Variants in SRD5A2 observed in about 807,000 individuals in gnomAD.
SRD5A2 encodes steroid 5 alpha-reductase 2.
SRD5A2 carries 30 observed loss-of-function variants against 27.4 expected under a neutral mutation model. The observed-to-expected ratio is 1.10, with a 90% CI of 0.82 to 1.49. The LOEUF (loss-of-function observed/expected upper bound fraction) is 1.49. Ranked by LOEUF, SRD5A2 falls within the 40% of genes most tolerant of loss-of-function variation. The pLI is 0.00. For synonymous variants in SRD5A2, 141 were observed against 133.6 expected (o/e 1.06, Z -0.38); for missense variants, 348 against 323.4 (o/e 1.08, Z -0.58).
At chr2:31,602,348 C>G in the SRD5A2 span, among the ~76,000 whole-genome samples, 1 of 151,914 alleles carries the variant, frequency 6.6e-6, no homozygotes, top group African/African-American at 2.4e-5. Context: ...AGAAATACTG[C>G]TAACAAAGGA....
upstream of SRD5A2, among the ~76,000 whole-genome samples, chr2:31,585,712 C>A (rs910497218): frequency 1.3e-5 from 2 of 152,170 alleles, no homozygotes; most frequent in Admixed American, 1.3e-4. Context: ...GTTTCAGGTA[C>A]TGGCTCAGCC....
chr2:31,532,273 T>C (rs371152671), intron 2 of SRD5A2, among the ~76,000 whole-genome samples: 28 of 152,106 alleles, frequency 1.8e-4, no homozygotes, highest in African/African-American at 6.8e-4. Context: ...TCTGAACGCA[T>C]TCCTGACTGA....
chr2:31,529,552 G>A, intron 3 of SRD5A2, 95 bp from the exon 4 acceptor site: 2 of 1,495,908 alleles, frequency 1.3e-6, no homozygotes, highest in Non-Finnish European at 1.8e-6. Context: ...AAGGCAGCAA[G>A]AACAAATGTG....
At chr2:31,628,492 T>C in the SRD5A2 span, among the ~76,000 whole-genome samples, 8 of 152,180 alleles carry the variant, frequency 5.3e-5, no homozygotes, top group Non-Finnish European at 8.8e-5. Flanking sequence ...TATTGATATG[T>C]GTGGATTCGA....
the SRD5A2 span, among the ~76,000 whole-genome samples, chr2:31,623,568 C>T: frequency 0.68 from 103,996 of 151,864 alleles, 35,834 homozygotes; most frequent in African/African-American, 0.71. Flanking sequence ...ATTTCTCATC[C>T]TTGTGGGTTT....
chr2:31,586,617 A>G, the SRD5A2 span, among the ~76,000 whole-genome samples: 1 of 152,234 alleles, frequency 6.6e-6, no homozygotes, highest in African/African-American at 2.4e-5. Context: ...AATCCAGAGA[A>G]TTATCCTGGA....
the SRD5A2 span, among the ~76,000 whole-genome samples, chr2:31,643,647 A>T: frequency 1.3e-5 from 2 of 152,198 alleles, no homozygotes; most frequent in Admixed American, 6.5e-5. Context: ...GAAAAAATAT[A>T]TATAATGAAC....
At chr2:31,639,740 T>C in the SRD5A2 span, among the ~76,000 whole-genome samples, 1 of 152,150 alleles carries the variant, frequency 6.6e-6, no homozygotes, top group Non-Finnish European at 1.5e-5. Flanking sequence ...CTTTAGGTGT[T>C]ATTTGCATCT....
chr2:31,554,050 C>T (rs931466574), intron 1 of SRD5A2, among the ~76,000 whole-genome samples: 3 of 151,992 alleles, frequency 2.0e-5, no homozygotes, highest in Non-Finnish European at 4.4e-5. Flanking sequence ...AATTCCTATC[C>T]GTAGGAATTC....
chr2:31,644,982 A>C, the SRD5A2 span, among the ~76,000 whole-genome samples: 1 of 152,236 alleles, frequency 6.6e-6, no homozygotes. Context: ...TAATGTGTTT[A>C]GTTGTTAACA....
At chr2:31,634,969 T>C in the SRD5A2 span, among the ~76,000 whole-genome samples, 2 of 152,186 alleles carry the variant, frequency 1.3e-5, no homozygotes, top group East Asian at 1.9e-4. Context: ...ATTTTGGATA[T>C]TGTGAATAGT....
At chr2:31,623,155 T>A in the SRD5A2 span, among the ~76,000 whole-genome samples, 1 of 152,068 alleles carries the variant, frequency 6.6e-6, no homozygotes, top group Non-Finnish European at 1.5e-5. Flanking sequence ...TGTACACTCA[T>A]TAGTCATTCC....
chr2:31,653,119 C>A, the SRD5A2 span, among the ~76,000 whole-genome samples: 2 of 152,154 alleles, frequency 1.3e-5, no homozygotes, highest in African/African-American at 4.8e-5. Context: ...CTCACCCCCA[C>A]CCCCAGTCCC....
the SRD5A2 span, among the ~76,000 whole-genome samples, chr2:31,634,412 A>G: frequency 2.0e-5 from 3 of 152,020 alleles, no homozygotes; most frequent in African/African-American, 7.2e-5. Context: ...GGAATCCTAG[A>G]GAGGGAAAAC....
Position 31,580,644 on chromosome 2 carries a change from A to G in SRD5A2, c.257T>C (p.Leu86Pro), listed in dbSNP as rs1374773126. The G allele has an allele frequency of 6.3e-7, 1 of 1,584,362 alleles. No individual in the cohort carries two copies. Among genetic ancestry groups the G allele is most frequent in the Non-Finnish European group, 8.5e-7 (1 of 1,171,898 alleles). The change falls in exon 1 of 5, where the codon CTC becomes CCC. Residue 86 changes from leucine (L) to proline (P), a missense_variant. Coordinates refer to ENST00000622030, the MANE Select transcript of SRD5A2 (RefSeq NM_000348.4). ...CCTGTGGAAGTAATGTAGGCAGAAG[A>G]GGCCCAGAAGTACCGTCCCAGGTGG... ...FGPPGTVLLG[L>P]FCLHYFHRTF...
intron 1 of SRD5A2, among the ~76,000 whole-genome samples, chr2:31,563,709 TGTGTGAG>T (rs981058128): frequency 3.9e-5 from 6 of 152,124 alleles, no homozygotes; most frequent in African/African-American, 1.2e-4. Context: ...TTCATGCATT[TGTGTGAG>T]GAAAGAATCA....
At chr2:31,648,750 G>C in the SRD5A2 span, among the ~76,000 whole-genome samples, 2 of 152,154 alleles carry the variant, frequency 1.3e-5, no homozygotes, top group Non-Finnish European at 2.9e-5. Flanking sequence ...ACATCATTAC[G>C]AACACGGCTG....
chr2:31,583,643 AAAAAAAACC>A (rs1667124764), upstream of SRD5A2, among the ~76,000 whole-genome samples: 1 of 29,170 alleles, frequency 3.4e-5, no homozygotes, highest in African/African-American at 1.0e-4. Flanking sequence ...AAAAAAGCAA[AAAAAAAACC>A]AAAAAAAAAG....
At chr2:31,541,097 C>T (rs1437289869) in intron 1 of SRD5A2, among the ~76,000 whole-genome samples, 1 of 152,078 alleles carries the variant, frequency 6.6e-6, no homozygotes, top group East Asian at 1.9e-4. Flanking sequence ...TAAGGACATT[C>T]ACAAACAACT....
Sources: gnomAD v4.1 joint callset for allele counts (sites outside exome capture counted in the v4.1 genomes callset) on GRCh38, gnomAD v4.1.1 for gene constraint, MANE v1.5 for transcripts, NCBI Gene and HGNC (gene_info 2026-07-23, HGNC 2026-07-21) for gene names.